TJP1: variants seen among roughly 807,000 people sequenced by gnomAD.
TJP1 encodes tight junction protein ZO-1.
A neutral mutation model predicts 194.2 loss-of-function variants in TJP1; 43 were observed. The observed-to-expected ratio is 0.22, with a 90% confidence interval of 0.17 to 0.29. The LOEUF is 0.29. Ranked by LOEUF, TJP1 falls within the 10% of genes least tolerant of loss-of-function variation. The pLI, the probability that TJP1 is intolerant of heterozygous loss-of-function variation, is 1.00. For missense variants in TJP1, 1,971 were observed against 2,185.7 expected (o/e 0.90, Z 1.96); for synonymous variants, 801 against 779.0 (o/e 1.03, Z -0.47).
intron 2 of TJP1, among the ~76,000 whole-genome samples, chr15:29,828,808 A>G (rs997744101): frequency 6.7e-6 from 1 of 148,508 alleles, no homozygotes; most frequent in Non-Finnish European, 1.5e-5. Flanking sequence ...ATCTCTGCTC[A>G]CTGCAACCTC....
At chr15:29,867,439 T>C (rs1434916451) in intron 2 of TJP1, among the ~76,000 whole-genome samples, 5 of 152,208 alleles carry the variant, frequency 3.3e-5, no homozygotes, top group Non-Finnish European at 7.3e-5. Context: ...ACTTTCACAT[T>C]GGGCCTTGCT....
intron 1 of TJP1, among the ~76,000 whole-genome samples, chr15:29,821,022 G>C (rs2050298518): frequency 6.6e-6 from 1 of 152,100 alleles, no homozygotes; most frequent in African/African-American, 2.4e-5. Context: ...CAAGTATCTC[G>C]ATACTATTTG....
At position 29,822,460 on chromosome 15, in the gene TJP1, A is replaced by G. The variant is rs1484668353; in HGVS notation, c.-432T>C. On this transcript the variant is annotated 5_prime_UTR_variant, in exon 1 of 28. Coordinates refer to ENST00000614355, the MANE Select transcript of TJP1 (RefSeq NM_001330239.4). ...CTGGCTCAGCCGGCGCCGGCAACTC[A>G]GCGGCCACGCAAACCTGCCGGCCCG... is the stretch of plus-strand genomic sequence containing the variant. 2 of 984,714 alleles carry G rather than the reference A, an allele frequency of 2.0e-6. No homozygotes were observed. The highest frequency in any genetic ancestry group is 1.8e-5 in the African/African-American group (1 of 56,970). The allele number at this position is 984,714 out of a possible 1,614,324, so 61.0% of individuals were successfully genotyped here.
At chr15:29,706,902 G>A (rs896021688) in intron 25 of TJP1, among the ~76,000 whole-genome samples, 20 of 152,076 alleles carry the variant, frequency 1.3e-4, no homozygotes, top group Non-Finnish European at 1.9e-4. Context: ...TGATCCGCCC[G>A]CCTCAACCTC....
chr15:29,741,835 G>T (rs1480377795), intron 9 of TJP1, among the ~76,000 whole-genome samples: 1 of 152,120 alleles, frequency 6.6e-6, no homozygotes, highest in Non-Finnish European at 1.5e-5. Context: ...TTGAGAAAAG[G>T]AAGTGAAAGA....
rs2151130436 is a variant in TJP1 at position 29,719,966 on chromosome 15, T to C, written c.2814A>G (p.Pro938=). The C allele has an allele frequency of 6.2e-7, 1 of 1,614,184 alleles. No individual in the cohort carries two copies. The highest frequency in any genetic ancestry group is 1.3e-5 in the African/African-American group (1 of 75,050). The change falls in exon 20 of 28, where the codon CCA becomes CCG. Residue 938 remains proline, a synonymous_variant. Coordinates refer to ENST00000614355, the MANE Select transcript of TJP1 (RefSeq NM_001330239.4). ...PVPYLSPETN[P]ASSTSAVNHN... is the part of the protein sequence containing the mutation. Reference sequence around the variant, plus strand: ...GATTAACAGCAGAGGTTGATGATGCTGGGTTTGTTTCAGGCGAAAGGTAAG... The same window carrying C: ...GATTAACAGCAGAGGTTGATGATGCCGGGTTTGTTTCAGGCGAAAGGTAAG...
At chr15:29,760,217 T>C (rs1249640888) in intron 8 of TJP1, 4 of 702,246 alleles carry the variant, frequency 5.7e-6, no homozygotes, top group Non-Finnish European at 7.8e-6. Flanking sequence ...TCTCCAGAAA[T>C]TGTATGCAAT....
intron 23 of TJP1, among the ~76,000 whole-genome samples, chr15:29,712,008 TGTGCCATGTATG>T: frequency 6.6e-6 from 1 of 152,232 alleles, no homozygotes; most frequent in African/African-American, 2.4e-5. Context: ...TAAGTCAAAT[TGTGCCATGTATG>T]TTTATTTTTT....
At chr15:29,950,915 G>T (rs570166751) in intron 2 of TJP1, among the ~76,000 whole-genome samples, 4 of 152,280 alleles carry the variant, frequency 2.6e-5, no homozygotes, top group Middle Eastern at 3.4e-3. Flanking sequence ...GAGGCTGATG[G>T]TAATAGCTGT....
intron 2 of TJP1, chr15:29,956,204 T>C (rs1306183037): frequency 1.7e-6 from 2 of 1,174,354 alleles, no homozygotes; most frequent in Non-Finnish European, 1.1e-6. Flanking sequence ...TTTGGAAAAA[T>C]GAGAAAAGCA....
chr15:29,787,011 T>A (rs1308238701), intron 2 of TJP1, among the ~76,000 whole-genome samples: 1 of 152,194 alleles, frequency 6.6e-6, no homozygotes, highest in Non-Finnish European at 1.5e-5. Context: ...AACAATAGCC[T>A]TCTACCAGAT....
chr15:29,807,529 G>C (rs1450887161), intron 1 of TJP1, among the ~76,000 whole-genome samples: 1 of 152,174 alleles, frequency 6.6e-6, no homozygotes, highest in African/African-American at 2.4e-5. Context: ...CAGAGATGAA[G>C]AGAGAGTGAC....
At chr15:29,935,481 C>T (rs774280891) in intron 2 of TJP1, among the ~76,000 whole-genome samples, 10 of 152,124 alleles carry the variant, frequency 6.6e-5, no homozygotes, top group Admixed American at 6.5e-5. Flanking sequence ...TAGGACAGGA[C>T]AGTCAGGAAT....
At chr15:29,766,781 C>CTT (rs145486215) in intron 4 of TJP1, among the ~76,000 whole-genome samples, 1,923 of 152,238 alleles carry the variant, frequency 0.013, 42 homozygotes, top group African/African-American at 0.045. Context: ...CTAAAAACCT[C>CTT]TTTATTTACT....
At chr15:29,911,140 C>T (rs545529291) in intron 2 of TJP1, among the ~76,000 whole-genome samples, 1 of 152,186 alleles carries the variant, frequency 6.6e-6, no homozygotes, top group African/African-American at 2.4e-5. Context: ...TCTCATGAAA[C>T]CTACTCAAAT....
intron 10 of TJP1, among the ~76,000 whole-genome samples, chr15:29,739,485 C>T (rs1039677471): frequency 6.6e-6 from 1 of 152,108 alleles, no homozygotes; most frequent in Non-Finnish European, 1.5e-5. Flanking sequence ...GCTCTGTCAC[C>T]CAGGCTGGAG....
chr15:29,880,274 A>C (rs1350508053), intron 2 of TJP1, among the ~76,000 whole-genome samples: 2 of 152,196 alleles, frequency 1.3e-5, no homozygotes, highest in African/African-American at 4.8e-5. Flanking sequence ...GTTTATTAAA[A>C]TTTAAACAGA....
chr15:29,878,457 C>A (rs2052795042), intron 2 of TJP1, among the ~76,000 whole-genome samples: 1 of 152,158 alleles, frequency 6.6e-6, no homozygotes, highest in Admixed American at 6.5e-5. Context: ...GTTATGAATT[C>A]TTGGGAAGCA....
chr15:29,833,877 A>ATTTTTTTTT (rs1332880070), intron 2 of TJP1, among the ~76,000 whole-genome samples: 9 of 14,438 alleles, frequency 6.2e-4, no homozygotes, highest in Admixed American at 1.7e-3. Context: ...ATATATATAT[A>ATTTTTTTTT]TATATTTTTT....
Sources: allele counts gnomAD v4.1 joint callset (sites outside exome capture counted in the v4.1 genomes callset), GRCh38; gene constraint gnomAD v4.1.1; transcripts MANE v1.5; gene names NCBI Gene and HGNC (gene_info 2026-07-23, HGNC 2026-07-21).